The following SDK1 variants were observed in gnomAD, a reference collection of about 807,000 sequenced individuals.
SDK1 encodes sidekick cell adhesion molecule 1, also known as protein sidekick-1.
A neutral mutation model predicts 245.5 loss-of-function variants in SDK1; 157 were observed. That is an observed-to-expected ratio of 0.64 (90% CI 0.56 to 0.73). The LOEUF (loss-of-function observed/expected upper bound fraction) is 0.73. Among genes scored for constraint, SDK1 ranks in the 30% least tolerant of loss-of-function variants. The pLI is 0.00. For synonymous variants in SDK1, 1,647 were observed against 1,278.5 expected, an observed-to-expected ratio of 1.29 and a Z score of -6.15; for missense variants, 3,583 against 3,002.3, an observed-to-expected ratio of 1.19 and a Z score of -4.52.
rs1384470836 is a variant in SDK1, at chr7:3,346,785, A to G, written c.298+44901A>G. 4.2e-4 allele frequency among the ~76,000 whole-genome samples: 43 copies of G among 102,090 alleles called. 1 individual carries two copies. The highest frequency in any genetic ancestry group is 1.7e-3 in the African/African-American group (39 of 23,616). The allele number at this position is 102,090 out of a possible 152,430, so 67.0% of individuals were successfully genotyped here. ...TATATATGTATATATGTATACATATATATGTATGTGTGTGTGTGTGTGTAT... is the reference window on the plus strand; with the variant it reads ...TATATATGTATATATGTATACATATGTATGTATGTGTGTGTGTGTGTGTAT... On this transcript the variant is annotated intron_variant, in intron 1 of 44. Transcript: ENST00000404826.
intron 4 of SDK1, among the ~76,000 whole-genome samples, chr7:3,667,159 G>T (rs1783559934): frequency 6.6e-6 from 1 of 152,208 alleles, no homozygotes; most frequent in East Asian, 1.9e-4. Flanking sequence ...AGATTATTCT[G>T]ACCTAACTGT....
chr7:4,157,424 A>AGGGAGGT (rs1320994465), intron 30 of SDK1, among the ~76,000 whole-genome samples: 4 of 38,328 alleles, frequency 1.0e-4, no homozygotes, highest in Non-Finnish European at 1.7e-4. Flanking sequence ...AAAGGAGGGA[A>AGGGAGGT]GGAAGGCAAG....
intron 1 of SDK1, among the ~76,000 whole-genome samples, chr7:3,391,270 A>C (rs192034436): frequency 6.6e-6 from 1 of 152,132 alleles, no homozygotes; most frequent in East Asian, 1.9e-4. Flanking sequence ...ATAGAAGTCA[A>C]CTCTTAAAAA....
chr7:4,206,683 G>A (rs1398739111), intron 36 of SDK1, among the ~76,000 whole-genome samples: 2 of 152,152 alleles, frequency 1.3e-5, no homozygotes, highest in East Asian at 3.9e-4. Flanking sequence ...TCCCATCCCT[G>A]AGGCCTGGCC....
intron 17 of SDK1, among the ~76,000 whole-genome samples, chr7:4,047,241 A>G (rs1160567425): frequency 6.6e-6 from 1 of 152,194 alleles, no homozygotes; most frequent in Non-Finnish European, 1.5e-5. Context: ...TCCTAAATCT[A>G]TTAAGATGTT....
At chr7:4,171,916 A>T (rs1781864225) in intron 32 of SDK1, among the ~76,000 whole-genome samples, 1 of 152,128 alleles carries the variant, frequency 6.6e-6, no homozygotes, top group South Asian at 2.1e-4. Context: ...CGTGGGGGGA[A>T]CACAGGGGAC....
intron 1 of SDK1, among the ~76,000 whole-genome samples, chr7:3,487,119 AT>A (rs1381072461): frequency 4.6e-5 from 7 of 152,196 alleles, no homozygotes; most frequent in Admixed American, 4.6e-4. Context: ...TTCCAATAAA[AT>A]TTTATTTACA....
chr7:3,383,011 A>G (rs1781528162), intron 1 of SDK1, among the ~76,000 whole-genome samples: 1 of 152,214 alleles, frequency 6.6e-6, no homozygotes, highest in Non-Finnish European at 1.5e-5. Context: ...GGTATCAACC[A>G]GTGATATTAC....
chr7:4,011,217 G>A (rs1785934117), intron 15 of SDK1, 104 bp downstream of exon 15: 6 of 1,409,854 alleles, frequency 4.3e-6, no homozygotes, highest in Non-Finnish European at 5.8e-6. Flanking sequence ...CAACCCGCTG[G>A]CTTCCCTCAG....
At chr7:3,833,406 A>G (rs1779957607) in intron 5 of SDK1, among the ~76,000 whole-genome samples, 1 of 152,208 alleles carries the variant, frequency 6.6e-6, no homozygotes. Flanking sequence ...TAATTCAGAC[A>G]GGGTTGAATT....
intron 9 of SDK1, among the ~76,000 whole-genome samples, chr7:3,965,062 G>T (rs928597257): frequency 2.0e-5 from 3 of 152,176 alleles, no homozygotes; most frequent in African/African-American, 7.2e-5. Flanking sequence ...AGCTTTTTCT[G>T]CGAAGGGCCT....
intron 5 of SDK1, among the ~76,000 whole-genome samples, chr7:3,903,091 C>T (rs1433203446): frequency 2.0e-5 from 3 of 151,900 alleles, no homozygotes; most frequent in Admixed American, 6.6e-5. Context: ...TACCTCTTTA[C>T]TCTCACTAGG....
At chr7:3,788,970 C>T (rs1306597391) in intron 4 of SDK1, among the ~76,000 whole-genome samples, 1 of 152,174 alleles carries the variant, frequency 6.6e-6, no homozygotes, top group Non-Finnish European at 1.5e-5. Context: ...CCCTCTGTTC[C>T]CTGAGCATGG....
intron 17 of SDK1, among the ~76,000 whole-genome samples, chr7:4,027,587 C>T (rs1441003903): frequency 1.3e-5 from 2 of 152,182 alleles, no homozygotes; most frequent in South Asian, 2.1e-4. Flanking sequence ...TCCAAAACAT[C>T]CTAGAGCTCC....
At chr7:3,634,914 G>A (rs1485231443) in intron 2 of SDK1, among the ~76,000 whole-genome samples, 2 of 152,158 alleles carry the variant, frequency 1.3e-5, no homozygotes, top group African/African-American at 4.8e-5. Context: ...GACCTATTTA[G>A]GTATTGAAAA....
intron 1 of SDK1, among the ~76,000 whole-genome samples, chr7:3,535,066 G>A (rs370897630): frequency 4.6e-5 from 7 of 152,144 alleles, no homozygotes; most frequent in African/African-American, 1.4e-4. Flanking sequence ...CTGAGGTCAG[G>A]AGTTCGAGAC....
intron 22 of SDK1, among the ~76,000 whole-genome samples, chr7:4,108,459 A>G (rs1207819744): frequency 6.6e-6 from 1 of 151,102 alleles, no homozygotes; most frequent in Non-Finnish European, 1.5e-5. Context: ...TTTGATGTCT[A>G]CCCCAGTGCT....
chr7:3,343,167 A>G (rs1416819980), intron 1 of SDK1, among the ~76,000 whole-genome samples: 1 of 152,206 alleles, frequency 6.6e-6, no homozygotes. Context: ...GTACTCTTGG[A>G]TAGTTATCTC....
intron 5 of SDK1, among the ~76,000 whole-genome samples, chr7:3,912,303 T>C (rs916119304): frequency 6.6e-6 from 1 of 152,238 alleles, no homozygotes; most frequent in African/African-American, 2.4e-5. Context: ...CAGATGCTAA[T>C]GCGTGTATTG....
Sources: allele counts gnomAD v4.1 joint callset (sites outside exome capture counted in the v4.1 genomes callset), GRCh38; gene constraint gnomAD v4.1.1; transcripts MANE v1.5; gene names NCBI Gene and HGNC (gene_info 2026-07-23, HGNC 2026-07-21).